Variants in KCNH1 observed in about 807,000 individuals in gnomAD.
The protein encoded by KCNH1 is voltage-gated delayed rectifier potassium channel KCNH1.
Under a neutral mutation model 69.2 loss-of-function variants are expected in KCNH1, and 27 were observed. The observed-to-expected ratio is 0.39, with a 90% CI of 0.29 to 0.54. The LOEUF (loss-of-function observed/expected upper bound fraction) is 0.54, where lower values mean the gene tolerates loss of function less well. Ranked by LOEUF, KCNH1 falls within the 20% of genes least tolerant of loss-of-function variation. KCNH1 has a pLI of 0.68. For missense variants in KCNH1, 798 were observed against 1,261.6 expected, an observed-to-expected ratio of 0.63 and a Z score of 5.57; for synonymous variants, 456 against 487.7, an observed-to-expected ratio of 0.93 and a Z score of 0.86.
intron 9 of KCNH1, among the ~76,000 whole-genome samples, chr1:210,785,953 A>G (rs1158128484): frequency 6.6e-6 from 1 of 152,196 alleles, no homozygotes; most frequent in Admixed American, 6.5e-5. Flanking sequence ...CTTGGATGCA[A>G]ATATAAAGCA....
intron 10 of KCNH1, among the ~76,000 whole-genome samples, chr1:210,763,951 CATT>C (rs1198503558): frequency 6.6e-6 from 1 of 152,056 alleles, no homozygotes; most frequent in Non-Finnish European, 1.5e-5. Context: ...GAGGCAATCA[CATT>C]ATCCAACTTC....
At chr1:210,930,589 T>C (rs1396483379) in intron 6 of KCNH1, among the ~76,000 whole-genome samples, 28 of 152,000 alleles carry the variant, frequency 1.8e-4, no homozygotes. Context: ...GTCTAGAAGA[T>C]AACATTGGAA....
chr1:211,105,151 T>C (rs760923548), intron 2 of KCNH1, among the ~76,000 whole-genome samples: 1 of 152,226 alleles, frequency 6.6e-6, no homozygotes, highest in Non-Finnish European at 1.5e-5. Flanking sequence ...GTACTCTTTG[T>C]CTATAAGCCA....
chr1:210,754,396 C>T (rs773251918), intron 10 of KCNH1, among the ~76,000 whole-genome samples: 5 of 152,126 alleles, frequency 3.3e-5, no homozygotes, highest in Non-Finnish European at 7.4e-5. Context: ...TAGGACTAAT[C>T]ACTGATAGGA....
In KCNH1 at chr1:210,797,515, G is replaced by A. The variant is rs2102400319; in HGVS notation, c.1908C>T (p.Ala636=). 6.2e-7 allele frequency: 1 copy of A among 1,614,042 alleles called. No homozygotes were observed. Among genetic ancestry groups the A allele is most frequent in the East Asian group, 2.2e-5 (1 of 44,872 alleles). Residue 636 remains alanine, a synonymous_variant, in exon 9 of 11, where the codon GCC becomes GCT. Transcript: ENST00000271751. ...LEVIQDDEVV[A]ILGKGDVFGD... ...AGCAAAGCCAACACCTACCTAGAAT[G>A]GCCACCACCTCATCATCTTGGATCA...
At chr1:210,691,106 G>C (rs76706253) in intron 10 of KCNH1, among the ~76,000 whole-genome samples, 50,203 of 152,236 alleles carry the variant, frequency 0.33, 9,828 homozygotes, top group South Asian at 0.51. Context: ...CTTAAGGAGA[G>C]TGCTTGACTT....
rs1226605045 is a variant in KCNH1, at chr1:210,844,047, T to A, written c.1463-39881A>T. ...TCATGGCCCATGTTTATCAATACCC[T>A]CCAGCAGCAACTGGTGCCCTTAGGG... On this transcript the variant is annotated intron_variant, in intron 7 of 10. Transcript: ENST00000271751. Among the ~76,000 whole-genome samples the A allele has an allele frequency of 3.3e-5, 5 of 152,166 alleles. No individual in the cohort carries two copies. In the East Asian group the frequency reaches 9.6e-4, roughly 29 times the overall value.
intron 7 of KCNH1, among the ~76,000 whole-genome samples, chr1:210,868,242 T>C (rs1010500604): frequency 1.3e-5 from 2 of 152,076 alleles, no homozygotes; most frequent in African/African-American, 2.4e-5. Context: ...TGGCCATTCA[T>C]GTGTGCGTGT....
At position 210,737,608 on chromosome 1, in the gene KCNH1, A is replaced by G. The variant is rs533894779; in HGVS notation, c.2112+37740T>C. Among the ~76,000 whole-genome samples, 97 of 152,158 alleles carry G rather than the reference A, an allele frequency of 6.4e-4. 1 individual carries two copies. The highest frequency in any genetic ancestry group is 6.8e-4 in the Non-Finnish European group (46 of 67,988). ...CCCAGAACTCCCCTTTGATCTCTCA[A>G]TCTGAACTCTCAATTCCTACATGCC... On this transcript the variant is annotated intron_variant, in intron 10 of 10. Coordinates refer to ENST00000271751, the MANE Select transcript of KCNH1 (RefSeq NM_172362.3).
At chr1:210,807,019 A>AG (rs1684598669) in intron 7 of KCNH1, among the ~76,000 whole-genome samples, 1 of 148,862 alleles carries the variant, frequency 6.7e-6, no homozygotes, top group Non-Finnish European at 1.5e-5. Context: ...AAAAAAAAAA[A>AG]AATTCACAAG....
chr1:210,913,334 C>G (rs189482071), intron 7 of KCNH1, among the ~76,000 whole-genome samples: 1 of 151,142 alleles, frequency 6.6e-6, no homozygotes, highest in Non-Finnish European at 1.5e-5. Context: ...CTCATGCTCC[C>G]GAGAAGGGAG....
At chr1:210,732,497 T>C (rs1682769274) in intron 10 of KCNH1, among the ~76,000 whole-genome samples, 2 of 152,200 alleles carry the variant, frequency 1.3e-5, no homozygotes, top group Non-Finnish European at 2.9e-5. Flanking sequence ...ATCTCATCTA[T>C]TGTGTGTTCA....
chr1:210,745,690 C>T (rs113220675), intron 10 of KCNH1, among the ~76,000 whole-genome samples: 2,521 of 150,384 alleles, frequency 0.017, 70 homozygotes, highest in African/African-American at 0.058. Context: ...TAAACCCGCT[C>T]CCACCCGCCC....
chr1:210,787,251 C>A (rs1684122847), intron 9 of KCNH1, among the ~76,000 whole-genome samples: 1 of 152,056 alleles, frequency 6.6e-6, no homozygotes, highest in African/African-American at 2.4e-5. Context: ...CCCTTTGCAA[C>A]CCCCCACAGC....
chr1:210,933,585 A>G (rs1322375447), intron 6 of KCNH1, among the ~76,000 whole-genome samples: 1 of 152,162 alleles, frequency 6.6e-6, no homozygotes, highest in Non-Finnish European at 1.5e-5. Context: ...CAAAAAATGA[A>G]TGAAATGAAA....
chr1:211,045,611 C>T (rs940729230), intron 5 of KCNH1, among the ~76,000 whole-genome samples: 1 of 152,086 alleles, frequency 6.6e-6, no homozygotes, highest in African/African-American at 2.4e-5. Context: ...TCCTGGGAAA[C>T]CATCACCACA....
intron 9 of KCNH1, among the ~76,000 whole-genome samples, chr1:210,792,688 A>T (rs113823081): frequency 2.9e-4 from 26 of 88,708 alleles, no homozygotes; most frequent in Non-Finnish European, 4.0e-4. Context: ...CAAGAAAATT[A>T]AAAAAAAAAA....
At chr1:210,797,817 A>G (rs900748017) in intron 8 of KCNH1, 57 bp from the exon 9 acceptor site, 5 of 1,569,046 alleles carry the variant, frequency 3.2e-6, no homozygotes, top group Non-Finnish European at 4.3e-6. Flanking sequence ...TTCAGCCCAC[A>G]TCCTTCAGCA....
chr1:211,050,260 T>TAAAAAAAAAAAAAAAAAAAAAAAAAAAA lies in KCNH1; in HGVS notation c.559-31032_559-31005dup, dbSNP rs747498526. Among the ~76,000 whole-genome samples, 12 of 58,576 alleles carry TAAAAAAAAAAAAAAAAAAAAAAAAAAAA rather than the reference T, an allele frequency of 2.0e-4. 2 individuals carry two copies. Among genetic ancestry groups the TAAAAAAAAAAAAAAAAAAAAAAAAAAAA allele is most frequent in the Non-Finnish European group, 2.8e-4 (9 of 32,570 alleles). 38.4% of individuals were successfully genotyped at this position (58,576 alleles called of 152,430 possible). A position where few individuals can be genotyped will look rare whatever the true frequency, so the allele number is the denominator to read the frequency against. On this transcript the variant is annotated intron_variant, in intron 5 of 10. Transcript: ENST00000271751. ...AGGACAAACTCAGCCCACACATTCT[T>TAAAAAAAAAAAAAAAAAAAAAAAAAAAA]AAAAAAAAAAAAAAAAAAAAAAAAA...
Sources: gnomAD v4.1 joint callset for allele counts (sites outside exome capture counted in the v4.1 genomes callset) on GRCh38, gnomAD v4.1.1 for gene constraint, MANE v1.5 for transcripts, NCBI Gene and HGNC (gene_info 2026-07-23, HGNC 2026-07-21) for gene names.